Variants in MCC observed in about 807,000 individuals in gnomAD.
The protein encoded by MCC is MCC regulator of Wnt signaling pathway, also known as colorectal mutant cancer protein.
In MCC, 90 loss-of-function variants were observed where a neutral mutation model predicts 116.2. The ratio of observed to expected loss-of-function variants is 0.77; its 90% CI spans 0.65 to 0.92. The LOEUF is 0.92. Ranked by LOEUF, MCC falls within the 40% of genes least tolerant of loss-of-function variation. The probability of loss-of-function intolerance (pLI) is 0.00; values close to 1 mark genes in which losing one functional copy is unlikely to be tolerated. For missense variants in MCC, 1,516 were observed against 1,312.2 expected, an observed-to-expected ratio of 1.16 and a Z score of -2.40; for synonymous variants, 578 against 510.5, an observed-to-expected ratio of 1.13 and a Z score of -1.78.
At chr5:113,399,971 A>G (rs889227905) in intron 1 of MCC, 2 of 152,206 alleles carry the variant, frequency 1.3e-5, no homozygotes, top group South Asian at 2.1e-4. Flanking sequence ...CTAAAAGCCA[A>G]CATTCAAGAA....
At chr5:113,248,147 T>A (rs1321527632) in intron 3 of MCC, among the ~76,000 whole-genome samples, 1 of 151,682 alleles carries the variant, frequency 6.6e-6, no homozygotes, top group African/African-American at 2.4e-5. Context: ...GGAGGATTAC[T>A]TGAGCCCAAG....
intron 14 of MCC, among the ~76,000 whole-genome samples, chr5:113,055,662 G>C (rs1423903361): frequency 1.3e-5 from 2 of 152,186 alleles, no homozygotes; most frequent in Non-Finnish European, 2.9e-5. Context: ...AGCTAGATCA[G>C]CCTGACCATT....
At chr5:113,277,180 T>TAA (rs561565984) in intron 3 of MCC, among the ~76,000 whole-genome samples, 1 of 142,084 alleles carries the variant, frequency 7.0e-6, no homozygotes, top group African/African-American at 2.7e-5. Context: ...CCATCTCTAC[T>TAA]AAAAAAAAAC....
intron 3 of MCC, among the ~76,000 whole-genome samples, chr5:113,264,836 A>T (rs1765362150): frequency 6.6e-6 from 1 of 152,070 alleles, no homozygotes; most frequent in African/African-American, 2.4e-5. Context: ...TGAGGTTAGG[A>T]GTTTGAGACC....
intron 1 of MCC, among the ~76,000 whole-genome samples, chr5:113,457,030 C>A (rs1005676873): frequency 1.8e-4 from 28 of 152,236 alleles, no homozygotes; most frequent in Non-Finnish European, 3.4e-4. Flanking sequence ...TCTGCCTGGG[C>A]TCCCACTTTG....
At chr5:113,173,876 G>T (rs1761194762) in intron 3 of MCC, among the ~76,000 whole-genome samples, 1 of 152,144 alleles carries the variant, frequency 6.6e-6, no homozygotes, top group Admixed American at 6.5e-5. Flanking sequence ...GTGTAACTCA[G>T]CAAAGGTCTA....
chr5:113,366,197 G>T (rs1244041751), intron 2 of MCC, among the ~76,000 whole-genome samples: 2 of 151,698 alleles, frequency 1.3e-5, no homozygotes, highest in African/African-American at 4.8e-5. Context: ...ATGTTCATTT[G>T]GTTCCTTTTT....
intron 1 of MCC, among the ~76,000 whole-genome samples, chr5:113,416,969 CTT>C (rs148628081): frequency 4.1e-5 from 5 of 122,508 alleles, no homozygotes; most frequent in East Asian, 4.6e-4. Flanking sequence ...TGTGAATTGC[CTT>C]TTTTTTTTTT....
At chr5:113,259,617 T>C (rs1192453911) in intron 3 of MCC, among the ~76,000 whole-genome samples, 1 of 152,198 alleles carries the variant, frequency 6.6e-6, no homozygotes, top group Non-Finnish European at 1.5e-5. Context: ...TTAAATTTGG[T>C]TGCAGCAGAG....
At chr5:113,412,954 T>C (rs975279727) in intron 1 of MCC, among the ~76,000 whole-genome samples, 8 of 152,222 alleles carry the variant, frequency 5.3e-5, no homozygotes, top group Admixed American at 2.6e-4. Flanking sequence ...CATCAATACC[T>C]AGCTTATTGA....
chr5:113,151,382 A>G lies in MCC; in HGVS notation c.668T>C (p.Val223Ala), dbSNP rs779561236. 71 of 1,613,398 alleles carry G rather than the reference A, an allele frequency of 4.4e-5. No homozygotes were observed. Among genetic ancestry groups the G allele is most frequent in the Non-Finnish European group, 5.8e-5 (69 of 1,179,694 alleles). Residue 223 changes from valine (V) to alanine (A), a missense_variant, in exon 4 of 19, where the codon GTG (valine) becomes GCG (alanine). Coordinates refer to ENST00000408903, the MANE Select transcript of MCC (RefSeq NM_001085377.2). ...AALASLKGDI[V>A]ELNKRLQQTE... The stretch of plus-strand genomic sequence containing the variant: ...TTGCTGGAGACGTTTATTAAGTTCC[A>G]CTATATCTCCCTTTAGTGATGCCAG...
rs181386328 is a variant in MCC at position 113,399,402 on chromosome 5, G to A, written c.171-14190C>T. 7.0e-3 allele frequency among the ~76,000 whole-genome samples: 1,060 copies of A among 152,208 alleles called. 13 individuals are homozygous for A. Among genetic ancestry groups the A allele is most frequent in the African/African-American group, 0.023 (966 of 41,520 alleles). On this transcript the variant is annotated intron_variant, in intron 1 of 18. Transcript: ENST00000408903. ...TGGGAGGCTGAGGCAGAAGAATGGA[G>A]TGAACCCGGGAGGTGGAGCTTGCAG...
At chr5:113,101,296 C>T (rs1405730651) in intron 8 of MCC, among the ~76,000 whole-genome samples, 1 of 151,668 alleles carries the variant, frequency 6.6e-6, no homozygotes, top group Non-Finnish European at 1.5e-5. Flanking sequence ...AGACGACATT[C>T]TATACTAGAT....
chr5:113,379,800 T>C (rs1172089067), intron 2 of MCC, among the ~76,000 whole-genome samples: 4 of 152,330 alleles, frequency 2.6e-5, no homozygotes, highest in South Asian at 2.1e-4. Flanking sequence ...AGAGAATGCA[T>C]GGCCTAAGAG....
At chr5:113,341,991 C>G (rs925053928) in intron 2 of MCC, among the ~76,000 whole-genome samples, 39 of 150,580 alleles carry the variant, frequency 2.6e-4, no homozygotes, top group African/African-American at 8.8e-4. Context: ...CTCACCCCCC[C>G]ACTCACACTT....
intron 3 of MCC, among the ~76,000 whole-genome samples, chr5:113,283,570 T>G (rs1326614727): frequency 6.6e-6 from 1 of 152,076 alleles, no homozygotes; most frequent in African/African-American, 2.4e-5. Flanking sequence ...GCTGAGAAAT[T>G]TTAAAGAAAG....
Position 113,434,460 on chromosome 5 carries a change from C to T in MCC, c.171-49248G>A, listed in dbSNP as rs1041706432. The T allele has an allele frequency of 2.5e-6, 4 of 1,613,498 alleles. No homozygotes were observed. The highest frequency in any genetic ancestry group is 3.3e-5 in the Admixed American group (2 of 59,968). Reference sequence around the variant, plus strand: ...CCGGTGGACGACGTCCAGGTCGTGGCAGTACTTGATGGCCAAGGAAAGCTG... The same window carrying T: ...CCGGTGGACGACGTCCAGGTCGTGGTAGTACTTGATGGCCAAGGAAAGCTG... On this transcript the variant is annotated intron_variant, in intron 1 of 18. Transcript: ENST00000408903. This position sits in a 1 kb window ranked among gnomAD's most constrained non-coding sequence, Gnocchi z 4.2.
At chr5:113,156,721 AC>A (rs1760192629) in intron 3 of MCC, among the ~76,000 whole-genome samples, 1 of 152,174 alleles carries the variant, frequency 6.6e-6, no homozygotes, top group Non-Finnish European at 1.5e-5. Context: ...CACATTCCTC[AC>A]ATTTCTGGAG....
chr5:113,109,025 C>T (rs970212692), intron 6 of MCC, among the ~76,000 whole-genome samples: 2 of 152,194 alleles, frequency 1.3e-5, no homozygotes, highest in African/African-American at 2.4e-5. Context: ...CAAGGTACTA[C>T]GTCAAGGTAC....
Sources: gnomAD v4.1 joint callset for allele counts (sites outside exome capture counted in the v4.1 genomes callset) on GRCh38, gnomAD v4.1.1 for gene constraint, Gnocchi (gnomAD v3.1) non-coding constraint, MANE v1.5 for transcripts, NCBI Gene and HGNC (gene_info 2026-07-23, HGNC 2026-07-21) for gene names.